Variants in RAB6A observed in about 807,000 individuals in gnomAD.
RAB6A encodes RAB6A, member RAS oncogene family.
A neutral mutation model predicts 32.3 loss-of-function variants in RAB6A; 8 were observed. That is an observed-to-expected ratio of 0.25 (90% CI 0.15 to 0.45). The LOEUF is 0.45. Ranked by LOEUF, RAB6A falls within the 20% of genes least tolerant of loss-of-function variation. The probability of loss-of-function intolerance (pLI) is 1.00; values close to 1 mark genes in which losing one functional copy is unlikely to be tolerated. For synonymous variants in RAB6A, 73 were observed against 82.1 expected (o/e 0.89, Z 0.60); for missense variants, 104 against 249.4 (o/e 0.42, Z 3.93).
At chr11:73,681,767 C>A (rs1163897068) in intron 6 of RAB6A, among the ~76,000 whole-genome samples, 5 of 152,134 alleles carry the variant, frequency 3.3e-5, no homozygotes, top group Admixed American at 6.5e-5. Flanking sequence ...CAAGATCTTG[C>A]CACTGCACTG....
rs546765564 is a variant in RAB6A, at chr11:73,696,552, G to A, written c.495+10868C>T. On this transcript the variant is annotated intron_variant, in intron 6 of 7. Transcript: ENST00000336083. ...TTTTGGTAGTATTTCTTAAATGAAAGATTATTTTATTACTTGTATTTAGTT... is the reference window on the plus strand; with the variant it reads ...TTTTGGTAGTATTTCTTAAATGAAAAATTATTTTATTACTTGTATTTAGTT... Among the ~76,000 whole-genome samples, 8 of 152,098 alleles carry A rather than the reference G, an allele frequency of 5.3e-5. No individual in the cohort carries two copies. The South Asian group carries it at 1.7e-3, about 32-fold the overall frequency.
At chr11:73,703,954 CG>C (rs1945790557) in intron 6 of RAB6A, among the ~76,000 whole-genome samples, 1 of 143,198 alleles carries the variant, frequency 7.0e-6, no homozygotes, top group Non-Finnish European at 1.5e-5. Flanking sequence ...TGCTTGAACC[CG>C]GGAGGCAAGG....
chr11:73,688,900 G>A (rs1945501175), intron 6 of RAB6A, among the ~76,000 whole-genome samples: 2 of 152,166 alleles, frequency 1.3e-5, no homozygotes, highest in South Asian at 2.1e-4. Flanking sequence ...GGAAGCCGAG[G>A]TGGTTGGATC....
intron 1 of RAB6A, among the ~76,000 whole-genome samples, chr11:73,737,252 G>T (rs1378973511): frequency 6.6e-6 from 1 of 152,158 alleles, no homozygotes; most frequent in Non-Finnish European, 1.5e-5. Flanking sequence ...ACTTTGGGAG[G>T]CTGAGGAGGA....
Position 73,721,002 on chromosome 11 carries a change from C to T in RAB6A, c.130-103G>A, listed in dbSNP as rs979763112. The T allele has an allele frequency of 7.2e-6, 6 of 837,034 alleles. No individual in the cohort carries two copies. In the African/African-American group the frequency reaches 8.5e-5, roughly 12 times the overall value. The allele number at this position is 837,034 out of a possible 1,614,324, so 51.9% of individuals were successfully genotyped here. ...GATTGTGGAAGAAATAATGAATAAA[C>T]AAATCAATACAACATAGTCAATTAA... On this transcript the variant is annotated intron_variant, in intron 2 of 7. Coordinates refer to ENST00000336083, the MANE Select transcript of RAB6A (RefSeq NM_198896.2).
At chr11:73,688,370 ATTT>A (rs1179508359) in intron 6 of RAB6A, among the ~76,000 whole-genome samples, 2 of 152,070 alleles carry the variant, frequency 1.3e-5, no homozygotes, top group African/African-American at 4.8e-5. Context: ...TTGAAGTCCT[ATTT>A]ACCATCTCTG....
chr11:73,706,490 G>A (rs1945846656), intron 6 of RAB6A, among the ~76,000 whole-genome samples: 1 of 150,658 alleles, frequency 6.6e-6, no homozygotes, highest in Non-Finnish European at 1.5e-5. Flanking sequence ...CTCCAGCCTG[G>A]GCGACAGAGC....
At chr11:73,714,205 A>ATATATATATAT (rs1256971210) in intron 5 of RAB6A, among the ~76,000 whole-genome samples, 10 of 62,902 alleles carry the variant, frequency 1.6e-4, no homozygotes, top group African/African-American at 4.0e-4. Context: ...AAAAAAAAAA[A>ATATATATATAT]AAAAATATAT....
intron 6 of RAB6A, among the ~76,000 whole-genome samples, chr11:73,685,220 T>A (rs547875357): frequency 2.0e-5 from 3 of 152,218 alleles, no homozygotes; most frequent in African/African-American, 7.2e-5. Context: ...CCTGATTAGA[T>A]TATTGTGTAA....
intron 1 of RAB6A, among the ~76,000 whole-genome samples, chr11:73,741,699 TAGAA>T (rs1946498546): frequency 6.6e-6 from 1 of 152,096 alleles, no homozygotes; most frequent in African/African-American, 2.4e-5. Flanking sequence ...TATCAAATCA[TAGAA>T]AGACATGCCA....
intron 2 of RAB6A, chr11:73,722,295 A>ATGTGTGTGTGTGTGTG (rs1369309050): frequency 2.5e-5 from 2 of 80,812 alleles, no homozygotes; most frequent in African/African-American, 1.0e-4. Context: ...TCAAATATAT[A>ATGTGTGTGTGTGTGTG]TGTGTGTGTG....
rs572682513 is a variant in RAB6A, at chr11:73,677,838, G to A, written c.*60C>T. On this transcript the variant is annotated 3_prime_UTR_variant, in exon 8 of 8. Transcript: ENST00000336083. ...AGCCAATATTCACACTGCAGTCAAT[G>A]AAAGAGTAAGGGGGCCAAAGCAGTG... 1 of 1,610,930 alleles carries A rather than the reference G, an allele frequency of 6.2e-7. No homozygotes were observed. Among genetic ancestry groups the A allele is most frequent in the East Asian group, 2.2e-5 (1 of 44,872 alleles).
intron 6 of RAB6A, among the ~76,000 whole-genome samples, chr11:73,680,585 G>C (rs1295500102): frequency 6.6e-6 from 1 of 152,102 alleles, no homozygotes; most frequent in Non-Finnish European, 1.5e-5. Context: ...CTGGGAGGCG[G>C]AGGTTGCAGT....
rs369713268 is a variant in RAB6A at position 73,727,825 on chromosome 11, T to C, written c.129+2940A>G. On this transcript the variant is annotated intron_variant, in intron 2 of 7. Coordinates refer to ENST00000336083, the MANE Select transcript of RAB6A (RefSeq NM_198896.2). ...AGCAGTTAATGAGTGACAGCCTTAA[T>C]CAGATTAACATTTGCTATATTACAA... Among the ~76,000 whole-genome samples the C allele has an allele frequency of 5.3e-4, 81 of 152,324 alleles. 1 individual carries two copies. The East Asian group carries it at 0.013, about 25-fold the overall frequency.
At chr11:73,753,778 G>T (rs1235149335) in intron 1 of RAB6A, among the ~76,000 whole-genome samples, 1 of 152,012 alleles carries the variant, frequency 6.6e-6, no homozygotes, top group Admixed American at 6.6e-5. Flanking sequence ...CTCCCAAAGT[G>T]CTGGGATTAC....
intron 1 of RAB6A, among the ~76,000 whole-genome samples, chr11:73,742,540 G>A (rs1260408324): frequency 1.3e-5 from 2 of 152,188 alleles, no homozygotes; most frequent in African/African-American, 4.8e-5. Flanking sequence ...GGCCAGGCGT[G>A]GTGGCTCACG....
At chr11:73,734,655 T>A (rs970163161) in intron 1 of RAB6A, among the ~76,000 whole-genome samples, 1 of 152,158 alleles carries the variant, frequency 6.6e-6, no homozygotes, top group Non-Finnish European at 1.5e-5. Context: ...ATCCCTCACA[T>A]GCACAGTTCA....
intron 6 of RAB6A, among the ~76,000 whole-genome samples, chr11:73,696,372 AT>A (rs1294011510): frequency 6.6e-6 from 1 of 151,732 alleles, no homozygotes; most frequent in Non-Finnish European, 1.5e-5. Context: ...TAATTTTTGT[AT>A]TTTCAGTAGA....
chr11:73,684,086 T>C (rs1282331510), intron 6 of RAB6A, among the ~76,000 whole-genome samples: 2 of 152,128 alleles, frequency 1.3e-5, no homozygotes, highest in African/African-American at 4.8e-5. Context: ...AAAAACATTA[T>C]GATTTGCAGA....
Sources: gnomAD v4.1 joint callset for allele counts (sites outside exome capture counted in the v4.1 genomes callset) on GRCh38, gnomAD v4.1.1 for gene constraint, MANE v1.5 for transcripts, NCBI Gene and HGNC (gene_info 2026-07-23, HGNC 2026-07-21) for gene names.